Variants in HTR4 observed in about 807,000 individuals in gnomAD.
The protein encoded by HTR4 is 5-hydroxytryptamine (serotonin) receptor 4, G protein-coupled.
A neutral mutation model predicts 36.8 loss-of-function variants in HTR4; 16 were observed. That is an observed-to-expected ratio of 0.43 (90% CI 0.29 to 0.66). The LOEUF is 0.66. Ranked by LOEUF, HTR4 falls within the 30% of genes least tolerant of loss-of-function variation. HTR4 has a pLI of 0.13. For missense variants in HTR4, 438 were observed against 490.9 expected (o/e 0.89, Z 1.02); for synonymous variants, 189 against 185.1 (o/e 1.02, Z -0.17).
At chr5:148,623,996 G>A (rs781686108) in intron 2 of HTR4, among the ~76,000 whole-genome samples, 9 of 152,242 alleles carry the variant, frequency 5.9e-5, no homozygotes, top group African/African-American at 9.6e-5. Context: ...TGATATAGAC[G>A]TTCCTTCTTA....
At chr5:148,568,842 G>A (rs1230748279) in intron 2 of HTR4, among the ~76,000 whole-genome samples, 2 of 152,138 alleles carry the variant, frequency 1.3e-5, no homozygotes, top group Non-Finnish European at 2.9e-5. Context: ...AGAGATGCAT[G>A]TAGAAGGTTG....
chr5:148,644,380 T>C (rs942872794), intron 1 of HTR4, among the ~76,000 whole-genome samples: 1 of 147,568 alleles, frequency 6.8e-6, no homozygotes, highest in Non-Finnish European at 1.5e-5. Flanking sequence ...TGTTATTTCC[T>C]AATCTCTCTT....
At chr5:148,507,155 A>C (rs1581397115) in intron 6 of HTR4, among the ~76,000 whole-genome samples, 1 of 152,230 alleles carries the variant, frequency 6.6e-6, no homozygotes, top group East Asian at 1.9e-4. Flanking sequence ...CAGGATTAAG[A>C]AAATGTGGCA....
At chr5:148,593,470 T>C (rs1033583509) in intron 2 of HTR4, among the ~76,000 whole-genome samples, 3 of 152,188 alleles carry the variant, frequency 2.0e-5, no homozygotes, top group African/African-American at 7.2e-5. Context: ...TAATGTCTCA[T>C]ATTTTCTTAC....
intron 1 of HTR4, among the ~76,000 whole-genome samples, chr5:148,642,255 G>A (rs1753749899): frequency 6.6e-6 from 1 of 152,110 alleles, no homozygotes; most frequent in Non-Finnish European, 1.5e-5. Context: ...CAGTGGAGGG[G>A]GAGTCACTGG....
At chr5:148,578,073 A>G (rs929169914) in intron 2 of HTR4, among the ~76,000 whole-genome samples, 1 of 152,082 alleles carries the variant, frequency 6.6e-6, no homozygotes, top group Non-Finnish European at 1.5e-5. Flanking sequence ...TATACTAAAT[A>G]TCATTTTGTA....
downstream of HTR4, among the ~76,000 whole-genome samples, chr5:148,475,496 G>A (rs1223984371): frequency 1.3e-5 from 2 of 152,190 alleles, no homozygotes; most frequent in Non-Finnish European, 2.9e-5. Context: ...AGTGTCATAA[G>A]AAGACACTGA....
At chr5:148,594,406 A>G (rs1761692174) in intron 2 of HTR4, among the ~76,000 whole-genome samples, 1 of 151,734 alleles carries the variant, frequency 6.6e-6, no homozygotes, top group Admixed American at 6.6e-5. Context: ...CATTACAGTA[A>G]GTGTAATTCA....
At position 148,520,309 on chromosome 5, in the gene HTR4, T is replaced by C. The variant is rs1757952996; in HGVS notation, c.507+2884A>G. 3.3e-5 allele frequency among the ~76,000 whole-genome samples: 5 copies of C among 152,268 alleles called. No homozygotes were observed. In the South Asian group the frequency reaches 1.0e-3, roughly 32 times the overall value. ...TCCCATTTAGGTGAATTAGGGTCCA[T>C]TTTAAACCGTGATTAAAATTAAATA... On this transcript the variant is annotated intron_variant, in intron 5 of 6. Transcript: ENST00000377888.
intron 2 of HTR4, among the ~76,000 whole-genome samples, chr5:148,554,856 T>C (rs917043222): frequency 6.6e-6 from 1 of 152,190 alleles, no homozygotes; most frequent in East Asian, 1.9e-4. Flanking sequence ...GTGTCTGTAA[T>C]GTACTCAGTG....
chr5:148,587,706 G>A (rs1165029098), intron 2 of HTR4, among the ~76,000 whole-genome samples: 1 of 152,118 alleles, frequency 6.6e-6, no homozygotes, highest in Non-Finnish European at 1.5e-5. Context: ...GGTGTGTGGG[G>A]ATCCAAACTG....
chr5:148,556,350 G>A (rs986524733), intron 2 of HTR4, among the ~76,000 whole-genome samples: 1 of 152,092 alleles, frequency 6.6e-6, no homozygotes, highest in African/African-American at 2.4e-5. Flanking sequence ...GTGGGCTTTT[G>A]CACTGGTTTT....
At chr5:148,500,201 C>A (rs1349181109) in intron 6 of HTR4, among the ~76,000 whole-genome samples, 3 of 152,146 alleles carry the variant, frequency 2.0e-5, no homozygotes, top group Non-Finnish European at 4.4e-5. Context: ...CAAATTGGAT[C>A]TTCTCTCTGG....
rs34375098 is a variant in HTR4 at position 148,486,442 on chromosome 5, A to G, written c.1077-3149T>C. ...AAGAAAGCAGCAGAGTGTAGCAACC[A>G]GAAGACAGGGACCTGGGTTCTAATG... On this transcript the variant is annotated intron_variant, in intron 6 of 6. Transcript: ENST00000377888. Among the ~76,000 whole-genome samples, 686 of 152,300 alleles carry G rather than the reference A, an allele frequency of 4.5e-3. 1 individual carries two copies. Among genetic ancestry groups the G allele is most frequent in the South Asian group, 1.0e-2 (48 of 4,822 alleles).
intron 4 of HTR4, among the ~76,000 whole-genome samples, chr5:148,546,216 G>A (rs930919611): frequency 6.6e-6 from 1 of 152,144 alleles, no homozygotes; most frequent in Admixed American, 6.5e-5. Flanking sequence ...AAACTGACAT[G>A]AACAACAACA....
chr5:148,628,281 T>A (rs2127298553), intron 2 of HTR4, among the ~76,000 whole-genome samples: 1 of 152,330 alleles, frequency 6.6e-6, no homozygotes, highest in East Asian at 1.9e-4. Context: ...TAGCTTCACC[T>A]CTTTCTAGAA....
chr5:148,569,901 A>C (rs1243495810), intron 2 of HTR4, among the ~76,000 whole-genome samples: 1 of 152,088 alleles, frequency 6.6e-6, no homozygotes, highest in African/African-American at 2.4e-5. Context: ...TCAGAATATT[A>C]CTAGAACTTT....
chr5:148,506,271 G>A (rs559425060), intron 6 of HTR4, among the ~76,000 whole-genome samples: 7 of 152,208 alleles, frequency 4.6e-5, no homozygotes, highest in Admixed American at 1.3e-4. Flanking sequence ...CAAGAAATGC[G>A]GAAAGGATTC....
intron 2 of HTR4, among the ~76,000 whole-genome samples, chr5:148,555,304 G>A (rs1490352015): frequency 6.6e-6 from 1 of 152,138 alleles, no homozygotes; most frequent in African/African-American, 2.4e-5. Context: ...GAGCGTCTGT[G>A]ATGAACATCT....
Sources: gnomAD v4.1 joint callset for allele counts (sites outside exome capture counted in the v4.1 genomes callset) on GRCh38, gnomAD v4.1.1 for gene constraint, MANE v1.5 for transcripts, NCBI Gene and HGNC (gene_info 2026-07-23, HGNC 2026-07-21) for gene names.